The following ICA1 variants were observed in gnomAD, a reference collection of about 807,000 sequenced individuals.
The protein encoded by ICA1 is 69 kDa islet cell autoantigen.
ICA1 carries 40 observed loss-of-function variants against 71.0 expected under a neutral mutation model. That is an observed-to-expected ratio of 0.56 (90% confidence interval 0.44 to 0.73). The LOEUF is 0.73. Among genes scored for constraint, ICA1 ranks in the 30% least tolerant of loss-of-function variants. The pLI, the probability that ICA1 is intolerant of heterozygous loss-of-function variation, is 0.00. For synonymous variants in ICA1, 207 were observed against 209.5 expected (o/e 0.99, Z 0.10); for missense variants, 578 against 576.5 (o/e 1.00, Z -0.03).
At position 8,232,667 on chromosome 7, in the gene ICA1, C is replaced by A; in HGVS notation, c.106G>T (p.Ala36Ser). 1 of 1,613,554 alleles carries A rather than the reference C, an allele frequency of 6.2e-7. No homozygotes were observed. The highest frequency in any genetic ancestry group is 1.1e-5 in the South Asian group (1 of 90,922). ...TTCTTCCCTGTGGCTTTAATAAAGG[C>A]CTGCTTCGTCTCCCAATATTTCTGT... ...MQQKYWETKQAFIKATGKKED... is the reference protein window; with the variant it reads ...MQQKYWETKQSFIKATGKKED... Residue 36 changes from alanine (A) to serine (S), a missense_variant, in exon 3 of 14, where the codon GCC becomes TCC. By Grantham distance (99) the Ala-to-Ser change is moderately conservative. Coordinates refer to ENST00000402384, the MANE Select transcript of ICA1 (RefSeq NM_001136020.3).
chr7:8,176,739 C>G (rs1038362048), intron 6 of ICA1, among the ~76,000 whole-genome samples: 1 of 152,190 alleles, frequency 6.6e-6, no homozygotes, highest in Non-Finnish European at 1.5e-5. Flanking sequence ...AGATACCATC[C>G]CTCGTCCTTA....
chr7:8,255,779 CTTT>C (rs573673718), intron 1 of ICA1, among the ~76,000 whole-genome samples: 6 of 132,926 alleles, frequency 4.5e-5, no homozygotes, highest in Non-Finnish European at 6.2e-5. Context: ...ACTTCTTTCT[CTTT>C]TTTTTTTTTT....
chr7:8,138,868 T>TTCATC lies in ICA1; in HGVS notation c.1027_1031dup (p.Leu345MetfsTer4). On this transcript the variant is annotated frameshift_variant, in exon 12 of 14. Transcript: ENST00000402384. LOFTEE classifies it high-confidence loss of function. Reference sequence around the variant, plus strand: ...CTTCCTCAGATTTCATGTCTAATAGTTCATCTATGGGTCCTTTAGAGAAGA... The same window carrying TTCATC: ...CTTCCTCAGATTTCATGTCTAATAGTTCATCTCATCTATGGGTCCTTTAGAGAAGA... 6.2e-7 allele frequency: 1 copy of TTCATC among 1,606,410 alleles called. No individual in the cohort carries two copies. The highest frequency in any genetic ancestry group is 8.5e-7 in the Non-Finnish European group (1 of 1,173,462).
chr7:8,165,957 G>T (rs1225413661), intron 6 of ICA1, among the ~76,000 whole-genome samples: 1 of 152,154 alleles, frequency 6.6e-6, no homozygotes, highest in Non-Finnish European at 1.5e-5. Flanking sequence ...AGCAATCACA[G>T]GTTCAATGCT....
chr7:8,210,858 G>A (rs749498341), intron 6 of ICA1, among the ~76,000 whole-genome samples: 3 of 152,130 alleles, frequency 2.0e-5, no homozygotes, highest in East Asian at 1.9e-4. Context: ...GATTACAGAC[G>A]TGCACCACCA....
intron 13 of ICA1, among the ~76,000 whole-genome samples, chr7:8,125,229 T>C (rs1162087994): frequency 6.6e-6 from 1 of 152,224 alleles, no homozygotes; most frequent in Non-Finnish European, 1.5e-5. Context: ...CAATTTTACT[T>C]GGGCTGAAAA....
At chr7:8,152,338 T>C (rs1799095910) in intron 8 of ICA1, among the ~76,000 whole-genome samples, 1 of 151,966 alleles carries the variant, frequency 6.6e-6, no homozygotes, top group East Asian at 1.9e-4. Flanking sequence ...AACTCTCCTG[T>C]ATTGATGCTT....
At chr7:8,244,685 C>T (rs4301361) in intron 1 of ICA1, among the ~76,000 whole-genome samples, 5 of 152,122 alleles carry the variant, frequency 3.3e-5, no homozygotes, top group Admixed American at 2.0e-4. Flanking sequence ...TATCCAGAAT[C>T]GACAAAGAAT....
chr7:8,190,846 C>T (rs549698318), intron 6 of ICA1, among the ~76,000 whole-genome samples: 2 of 152,270 alleles, frequency 1.3e-5, no homozygotes, highest in African/African-American at 4.8e-5. Flanking sequence ...TTTTTCTGGG[C>T]TGAGTGTTTA....
chr7:8,129,495 G>C (rs893378379), intron 12 of ICA1, among the ~76,000 whole-genome samples: 1 of 152,128 alleles, frequency 6.6e-6, no homozygotes, highest in Admixed American at 6.5e-5. Context: ...ATAAATCAGG[G>C]AGGGGAAGAA....
chr7:8,242,284 T>C (rs990382816), intron 1 of ICA1, among the ~76,000 whole-genome samples: 2 of 152,174 alleles, frequency 1.3e-5, no homozygotes, highest in Non-Finnish European at 2.9e-5. Flanking sequence ...CACAACTACA[T>C]GCAAACTGAA....
intron 12 of ICA1, among the ~76,000 whole-genome samples, chr7:8,134,582 C>T (rs1244863598): frequency 1.3e-5 from 2 of 152,138 alleles, no homozygotes; most frequent in African/African-American, 2.4e-5. Flanking sequence ...ATCGTAAAGG[C>T]CACACGCTTG....
intron 2 of ICA1, among the ~76,000 whole-genome samples, chr7:8,233,179 G>C (rs1800790034): frequency 6.6e-6 from 1 of 152,172 alleles, no homozygotes; most frequent in Non-Finnish European, 1.5e-5. Flanking sequence ...TGGCAGGAAA[G>C]CAGAGATAAG....
At chr7:8,181,820 T>C (rs540060778) in intron 6 of ICA1, among the ~76,000 whole-genome samples, 1 of 152,316 alleles carries the variant, frequency 6.6e-6, no homozygotes, top group East Asian at 1.9e-4. Flanking sequence ...CAAAGGAACA[T>C]AATCCAAATG....
intron 1 of ICA1, among the ~76,000 whole-genome samples, chr7:8,238,165 G>C (rs1802491901): frequency 1.3e-5 from 2 of 152,124 alleles, no homozygotes; most frequent in South Asian, 4.1e-4. Flanking sequence ...CAAATACACA[G>C]AATTTGGACT....
intron 8 of ICA1, among the ~76,000 whole-genome samples, chr7:8,148,885 A>G (rs897569065): frequency 6.6e-6 from 1 of 152,174 alleles, no homozygotes; most frequent in African/African-American, 2.4e-5. Flanking sequence ...TATCCCCCCA[A>G]ATTAGTTCCT....
intron 6 of ICA1, among the ~76,000 whole-genome samples, chr7:8,190,469 A>T (rs3807829): frequency 0.13 from 19,656 of 152,280 alleles, 1,281 homozygotes; most frequent in Middle Eastern, 0.16. Flanking sequence ...AGAGAAATCA[A>T]TTATAATAAG....
rs916740750 is a variant in ICA1, at chr7:8,128,996, A to G, written c.1061-854T>C. On this transcript the variant is annotated intron_variant, in intron 12 of 13. Coordinates refer to ENST00000402384, the MANE Select transcript of ICA1 (RefSeq NM_001136020.3). ...TTGTCAGGAAGACCAAAAGAAATAC[A>G]CTTTAAACCTAATTGCCTTTCCAGA... is the stretch of plus-strand genomic sequence containing the variant. Among the ~76,000 whole-genome samples the G allele has an allele frequency of 2.0e-5, 3 of 152,152 alleles. No homozygotes were observed. In the East Asian group the frequency reaches 5.8e-4, roughly 29 times the overall value.
chr7:8,254,466 T>A (rs1311681549), intron 1 of ICA1, among the ~76,000 whole-genome samples: 2 of 149,044 alleles, frequency 1.3e-5, no homozygotes, highest in Non-Finnish European at 3.0e-5. Context: ...TATGATCATG[T>A]ATGCTCAGCT....
Sources: allele counts gnomAD v4.1 joint callset (sites outside exome capture counted in the v4.1 genomes callset), GRCh38; gene constraint gnomAD v4.1.1; transcripts MANE v1.5; gene names NCBI Gene and HGNC (gene_info 2026-07-23, HGNC 2026-07-21).